The following TSHZ2 variants were observed in gnomAD, a reference collection of about 807,000 sequenced individuals.
TSHZ2 encodes teashirt homolog 2.
Under a neutral mutation model 74.4 loss-of-function variants are expected in TSHZ2, and 21 were observed. That is an observed-to-expected ratio of 0.28 (90% CI 0.20 to 0.41). The LOEUF (loss-of-function observed/expected upper bound fraction) is 0.41, where lower values mean the gene tolerates loss of function less well. TSHZ2 is among the 10% of genes least tolerant of loss of function. The pLI, the probability that TSHZ2 is intolerant of heterozygous loss-of-function variation, is 1.00. For synonymous variants in TSHZ2, 540 were observed against 515.3 expected (o/e 1.05, Z -0.65); for missense variants, 1,244 against 1,293.5 (o/e 0.96, Z 0.59).
intron 1 of TSHZ2, among the ~76,000 whole-genome samples, chr20:53,171,548 T>A: frequency 1.8e-5 from 1 of 54,668 alleles, no homozygotes; most frequent in East Asian, 7.4e-4. Context: ...CTTCTAAATG[T>A]TTTTTTTTTC....
At chr20:53,201,612 C>T (rs528898591) in intron 1 of TSHZ2, among the ~76,000 whole-genome samples, 1 of 152,292 alleles carries the variant, frequency 6.6e-6, no homozygotes, top group East Asian at 1.9e-4. Flanking sequence ...CTGACATTCA[C>T]AGGTTCTGGA....
At chr20:53,182,715 G>C (rs918097766) in intron 1 of TSHZ2, among the ~76,000 whole-genome samples, 1 of 152,044 alleles carries the variant, frequency 6.6e-6, no homozygotes, top group Non-Finnish European at 1.5e-5. Flanking sequence ...TACCAGGAGG[G>C]TTTTCTGCCA....
At chr20:53,385,450 T>C (rs1246118526) in intron 2 of TSHZ2, among the ~76,000 whole-genome samples, 1 of 151,958 alleles carries the variant, frequency 6.6e-6, no homozygotes, top group Non-Finnish European at 1.5e-5. Context: ...CACTCACGCC[T>C]CCCTCGGTGT....
chr20:53,451,462 A>C (rs1324527237), intron 2 of TSHZ2, among the ~76,000 whole-genome samples: 2 of 152,178 alleles, frequency 1.3e-5, no homozygotes, highest in African/African-American at 4.8e-5. Context: ...CCTCAACCAC[A>C]CTGGCTTTCT....
At chr20:53,449,359 C>T (rs1326278474) in intron 2 of TSHZ2, among the ~76,000 whole-genome samples, 2 of 152,112 alleles carry the variant, frequency 1.3e-5, no homozygotes, top group East Asian at 1.9e-4. Flanking sequence ...AAGTAGTAAG[C>T]ACACAATAAT....
intron 2 of TSHZ2, among the ~76,000 whole-genome samples, chr20:53,337,561 C>G (rs1371510125): frequency 1.3e-5 from 2 of 152,318 alleles, no homozygotes; most frequent in East Asian, 3.9e-4. Flanking sequence ...GGGATGTCAG[C>G]TGTGAGTGGA....
At position 53,175,635 on chromosome 20, in the gene TSHZ2, G is replaced by C. The variant is rs117782700; in HGVS notation, c.41-77864G>C. On this transcript the variant is annotated intron_variant, in intron 1 of 2. Transcript: ENST00000371497. ...TCAGTCTTCTCATCTGTCTCCCACAGATAAGCAGCTGAGGCAGAGGGTGGA... is the reference window on the plus strand; with the variant it reads ...TCAGTCTTCTCATCTGTCTCCCACACATAAGCAGCTGAGGCAGAGGGTGGA... Among the ~76,000 whole-genome samples the C allele has an allele frequency of 3.2e-3, 491 of 152,322 alleles. 3 individuals are homozygous for C. Among genetic ancestry groups the C allele is most frequent in the Non-Finnish European group, 5.5e-3 (373 of 68,020 alleles).
At chr20:53,445,653 A>G (rs958461568) in intron 2 of TSHZ2, among the ~76,000 whole-genome samples, 26 of 152,194 alleles carry the variant, frequency 1.7e-4, no homozygotes, top group Admixed American at 1.4e-3. Flanking sequence ...ATGCCACAGC[A>G]CTGGTCCATA....
At chr20:53,061,505 C>T (rs1984822874) in intron 1 of TSHZ2, among the ~76,000 whole-genome samples, 1 of 152,144 alleles carries the variant, frequency 6.6e-6, no homozygotes, top group Non-Finnish European at 1.5e-5. Context: ...CTCTAATCTG[C>T]CCAGTGGTGA....
At chr20:53,108,897 C>A (rs1986453504) in intron 1 of TSHZ2, among the ~76,000 whole-genome samples, 1 of 152,146 alleles carries the variant, frequency 6.6e-6, no homozygotes. Flanking sequence ...CCATTAATTT[C>A]TTTTTCTTCC....
chr20:53,327,784 T>C (rs1215872276), intron 2 of TSHZ2, among the ~76,000 whole-genome samples: 2 of 152,124 alleles, frequency 1.3e-5, no homozygotes, highest in Non-Finnish European at 2.9e-5. Context: ...CGATAAGAGC[T>C]TTGAAGGCAT....
chr20:53,110,036 A>G (rs1362231296), intron 1 of TSHZ2, among the ~76,000 whole-genome samples: 1 of 152,120 alleles, frequency 6.6e-6, no homozygotes, highest in Non-Finnish European at 1.5e-5. Flanking sequence ...TTTTTCACCT[A>G]ACAATTCCTA....
intron 2 of TSHZ2, among the ~76,000 whole-genome samples, chr20:53,329,796 A>T (rs1979646753): frequency 6.6e-6 from 1 of 152,182 alleles, no homozygotes; most frequent in African/African-American, 2.4e-5. Flanking sequence ...ACTAATAGGC[A>T]TCCACTGGAG....
chr20:53,081,198 A>C (rs1381487468), intron 1 of TSHZ2, among the ~76,000 whole-genome samples: 1 of 151,656 alleles, frequency 6.6e-6, no homozygotes, highest in African/African-American at 2.4e-5. Context: ...TTATTATCTT[A>C]TTATTTTTTA....
At chr20:53,458,095 C>T (rs1227403586) in intron 2 of TSHZ2, among the ~76,000 whole-genome samples, 2 of 151,848 alleles carry the variant, frequency 1.3e-5, no homozygotes. Context: ...GGGAGGATTC[C>T]CTGTTTTTCT....
intron 1 of TSHZ2, among the ~76,000 whole-genome samples, chr20:53,182,233 C>CTT (rs199881743): frequency 0.011 from 1,658 of 146,780 alleles, 117 homozygotes; most frequent in Admixed American, 0.1. Context: ...CTCTTGACTC[C>CTT]CTCCTTCCTT....
Position 53,010,102 on chromosome 20 carries a change from T to C in TSHZ2, c.40+36769T>C, listed in dbSNP as rs189330614. On this transcript the variant is annotated intron_variant, in intron 1 of 2. Coordinates refer to ENST00000371497, the MANE Select transcript of TSHZ2 (RefSeq NM_173485.6). ...TTTTCTCCTCATCCTCGTATGTAAA[T>C]ACTGAGAACCTACTCTAACCACAAA... 5.3e-5 allele frequency among the ~76,000 whole-genome samples: 8 copies of C among 152,242 alleles called. No individual in the cohort carries two copies. The East Asian group carries it at 1.5e-3, about 29-fold the overall frequency.
intron 1 of TSHZ2, among the ~76,000 whole-genome samples, chr20:52,991,586 C>T (rs895377162): frequency 2.3e-5 from 3 of 132,334 alleles, no homozygotes; most frequent in African/African-American, 5.9e-5. Flanking sequence ...AGTGTGAAAG[C>T]TTTTCTGATG....
chr20:53,300,439 G>C (rs530109619), intron 2 of TSHZ2, among the ~76,000 whole-genome samples: 1 of 152,226 alleles, frequency 6.6e-6, no homozygotes, highest in East Asian at 1.9e-4. Flanking sequence ...CAAACTTCTT[G>C]AGAAAGGCAA....
Sources: gnomAD v4.1 joint callset for allele counts (sites outside exome capture counted in the v4.1 genomes callset) on GRCh38, gnomAD v4.1.1 for gene constraint, MANE v1.5 for transcripts, NCBI Gene and HGNC (gene_info 2026-07-23, HGNC 2026-07-21) for gene names.